The following SPPL3 variants were observed in gnomAD, a reference collection of about 807,000 sequenced individuals.
SPPL3 encodes the protein signal peptide peptidase-like 3.
In SPPL3, 5 loss-of-function variants were observed where a neutral mutation model predicts 42.4. The observed-to-expected ratio is 0.12, with a 90% confidence interval of 0.06 to 0.25. The LOEUF is 0.25. SPPL3 is among the 10% of genes least tolerant of loss of function. SPPL3 has a pLI of 1.00. For missense variants in SPPL3, 235 were observed against 489.0 expected, an observed-to-expected ratio of 0.48 and a Z score of 4.90; for synonymous variants, 195 against 181.8, an observed-to-expected ratio of 1.07 and a Z score of -0.58.
chr12:120,805,269 A>G (rs1001201989), intron 2 of SPPL3, among the ~76,000 whole-genome samples: 3 of 152,374 alleles, frequency 2.0e-5, no homozygotes, highest in African/African-American at 7.2e-5. Context: ...TATATAAATT[A>G]AATGGACAAA....
chr12:120,805,459 GA>G (rs1566046813), intron 2 of SPPL3, among the ~76,000 whole-genome samples: 3 of 152,302 alleles, frequency 2.0e-5, no homozygotes, highest in African/African-American at 7.2e-5. Flanking sequence ...GAAGGATTAG[GA>G]ACAGGGCAAG....
chr12:120,817,493 G>A lies in SPPL3; in HGVS notation c.24-6607C>T, dbSNP rs1220189342. On this transcript the variant is annotated intron_variant, in intron 1 of 10. Coordinates refer to ENST00000353487, the MANE Select transcript of SPPL3 (RefSeq NM_139015.5). ...ACCCAATATTTACAGATTTAAAAAT[G>A]GCTTAATATAAAATCTTACATTATA... Among the ~76,000 whole-genome samples, 3 of 152,180 alleles carry A rather than the reference G, an allele frequency of 2.0e-5. No individual in the cohort carries two copies. The East Asian group carries it at 5.8e-4, about 29-fold the overall frequency.
intron 1 of SPPL3, among the ~76,000 whole-genome samples, chr12:120,876,637 GAAGA>G (rs1873104087): frequency 3.0e-5 from 3 of 99,350 alleles, no homozygotes; most frequent in East Asian, 6.4e-4. Flanking sequence ...AAAAAAAAAA[GAAGA>G]AAGAAAATAT....
At chr12:120,839,059 G>A (rs375787427) in intron 1 of SPPL3, among the ~76,000 whole-genome samples, 42 of 152,054 alleles carry the variant, frequency 2.8e-4, no homozygotes, top group South Asian at 6.2e-4. Flanking sequence ...ACATGCACAC[G>A]TATGTTTATT....
At chr12:120,780,587 TAAAAA>T (rs34476118) in intron 6 of SPPL3, among the ~76,000 whole-genome samples, 3 of 124,654 alleles carry the variant, frequency 2.4e-5, no homozygotes, top group Non-Finnish European at 5.2e-5. Context: ...TGTCTCTATT[TAAAAA>T]AAAAAAAAAA....
At chr12:120,787,653 C>T (rs1293159626) in intron 3 of SPPL3, among the ~76,000 whole-genome samples, 1 of 152,172 alleles carries the variant, frequency 6.6e-6, no homozygotes, top group African/African-American at 2.4e-5. Flanking sequence ...CCCTCTCAAT[C>T]ACTACTTTCT....
intron 1 of SPPL3, among the ~76,000 whole-genome samples, chr12:120,814,668 A>G (rs1444407753): frequency 6.6e-6 from 1 of 152,166 alleles, no homozygotes; most frequent in Non-Finnish European, 1.5e-5. Context: ...ACATACACAG[A>G]GGTCTTACTC....
At chr12:120,812,620 C>T (rs1019333943) in intron 1 of SPPL3, among the ~76,000 whole-genome samples, 1 of 152,060 alleles carries the variant, frequency 6.6e-6, no homozygotes, top group African/African-American at 2.4e-5. Flanking sequence ...GGGAAATCTC[C>T]AAATTGAAAG....
At chr12:120,858,464 C>CAAAA (rs61150500) in intron 1 of SPPL3, among the ~76,000 whole-genome samples, 6 of 141,696 alleles carry the variant, frequency 4.2e-5, no homozygotes, top group Non-Finnish European at 9.2e-5. Flanking sequence ...CTCAAGAAAA[C>CAAAA]AAAAAAAAAA....
chr12:120,783,952 G>GT (rs1869627012), intron 4 of SPPL3, among the ~76,000 whole-genome samples, 200 bp from the exon 5 acceptor site: 1 of 152,048 alleles, frequency 6.6e-6, no homozygotes, highest in Non-Finnish European at 1.5e-5. Flanking sequence ...GAAAGCATAG[G>GT]TAAGTTTCCT....
At chr12:120,864,064 A>G (rs888097040) in intron 1 of SPPL3, among the ~76,000 whole-genome samples, 1 of 152,112 alleles carries the variant, frequency 6.6e-6, no homozygotes, top group Non-Finnish European at 1.5e-5. Flanking sequence ...ATTAAAATCC[A>G]TGTCTGCCTT....
chr12:120,866,511 T>C (rs1872758536), intron 1 of SPPL3, among the ~76,000 whole-genome samples: 1 of 151,494 alleles, frequency 6.6e-6, no homozygotes, highest in Non-Finnish European at 1.5e-5. Flanking sequence ...TAGTAAGGCA[T>C]AATTTACCTT....
chr12:120,771,963 G>C (rs1012732991), intron 6 of SPPL3, among the ~76,000 whole-genome samples: 2 of 152,232 alleles, frequency 1.3e-5, no homozygotes, highest in African/African-American at 4.8e-5. Flanking sequence ...CATTCTGGAA[G>C]AGCCAGGTCA....
At chr12:120,808,551 C>T (rs371332264) in intron 2 of SPPL3, among the ~76,000 whole-genome samples, 16 of 152,226 alleles carry the variant, frequency 1.1e-4, no homozygotes, top group African/African-American at 2.9e-4. Context: ...TACTCTCTGT[C>T]GAAGTATTTC....
At chr12:120,879,885 G>A (rs1873226046) in intron 1 of SPPL3, among the ~76,000 whole-genome samples, 1 of 151,832 alleles carries the variant, frequency 6.6e-6, no homozygotes, top group Non-Finnish European at 1.5e-5. Context: ...TTAACAATGT[G>A]CCTCACAAAT....
At chr12:120,806,490 A>G (rs1870495619) in intron 2 of SPPL3, among the ~76,000 whole-genome samples, 1 of 152,080 alleles carries the variant, frequency 6.6e-6, no homozygotes, top group Non-Finnish European at 1.5e-5. Context: ...TGCCATACAT[A>G]AAAATTAACT....
At chr12:120,851,441 ATTT>A (rs55788448) in intron 1 of SPPL3, among the ~76,000 whole-genome samples, 1 of 150,210 alleles carries the variant, frequency 6.7e-6, no homozygotes, top group East Asian at 1.9e-4. Flanking sequence ...AATCTCAGTC[ATTT>A]TTTTTTTTGT....
intron 3 of SPPL3, among the ~76,000 whole-genome samples, 160 bp from the exon 4 acceptor site, chr12:120,784,753 T>C (rs3213567): frequency 0.45 from 68,771 of 152,020 alleles, 17,613 homozygotes; most frequent in Middle Eastern, 0.63. Context: ...CCAACGAGAT[T>C]ATGAGCTCCT....
chr12:120,876,022 C>CCA (rs931678080), intron 1 of SPPL3, among the ~76,000 whole-genome samples: 1 of 143,822 alleles, frequency 7.0e-6, no homozygotes, highest in Non-Finnish European at 1.5e-5. Context: ...ACAGACCCCC[C>CCA]CCACCCAAAT....
Sources: allele counts gnomAD v4.1 joint callset (sites outside exome capture counted in the v4.1 genomes callset), GRCh38; gene constraint gnomAD v4.1.1; transcripts MANE v1.5; gene names NCBI Gene and HGNC (gene_info 2026-07-23, HGNC 2026-07-21).